The following CHEK1 variants were observed in gnomAD, a reference collection of about 807,000 sequenced individuals.
CHEK1 encodes serine/threonine-protein kinase Chk1.
A neutral mutation model predicts 60.2 loss-of-function variants in CHEK1; 32 were observed. The observed-to-expected ratio is 0.53, with a 90% CI of 0.40 to 0.71. CHEK1 has a LOEUF of 0.71. CHEK1 is among the 30% of genes least tolerant of loss of function. The probability of loss-of-function intolerance (pLI) is 0.00; values close to 1 mark genes in which losing one functional copy is unlikely to be tolerated. For missense variants in CHEK1, 399 were observed against 564.6 expected (o/e 0.71, Z 2.97); for synonymous variants, 179 against 187.2 (o/e 0.96, Z 0.36).
downstream of CHEK1, chr11:125,678,023 A>G (rs959644138): frequency 6.2e-7 from 1 of 1,614,172 alleles, no homozygotes; most frequent in South Asian, 1.1e-5. Flanking sequence ...GCTCACCTAC[A>G]GTATGCTCAC....
At chr11:125,626,357 G>T in intron 1 of CHEK1, 1 of 423,994 alleles carries the variant, frequency 2.4e-6, no homozygotes, top group Non-Finnish European at 4.3e-6. Context: ...GGGAGGAGGC[G>T]CTGCCGCAGG....
intron 11 of CHEK1, among the ~76,000 whole-genome samples, chr11:125,647,329 T>TCTTTTTTTTTC (rs1941540786): frequency 6.6e-6 from 1 of 152,098 alleles, no homozygotes; most frequent in African/African-American, 2.4e-5. Flanking sequence ...GAATCTCAAT[T>TCTTTTTTTTTC]CTTTTTTTTT....
chr11:125,625,723 G>A lies in CHEK1; in HGVS notation c.-310G>A, dbSNP rs1347373471. 6.1e-6 allele frequency: 4 copies of A among 657,122 alleles called. No individual in the cohort carries two copies. Among genetic ancestry groups the A allele is most frequent in the Non-Finnish European group, 1.1e-5 (4 of 356,614 alleles). The allele number at this position is 657,122 out of a possible 1,614,324, so 40.7% of individuals were successfully genotyped here. On this transcript the variant is annotated 5_prime_UTR_variant, in exon 1 of 13. It removes an upstream start codon present in the reference 5' UTR. Transcript: ENST00000438015. Reference sequence around the variant, plus strand: ...CGCCCAGTCGAGCCTCACACCGGATGCCACTTCATATTTGGGCCCAGAGCT... The same window carrying A: ...CGCCCAGTCGAGCCTCACACCGGATACCACTTCATATTTGGGCCCAGAGCT...
intron 12 of CHEK1, among the ~76,000 whole-genome samples, 194 bp from the exon 13 acceptor site, chr11:125,655,031 C>T (rs952923290): frequency 6.6e-6 from 1 of 152,174 alleles, no homozygotes; most frequent in Non-Finnish European, 1.5e-5. Context: ...CATGAAACCA[C>T]ATCAGAATTA....
intron 7 of CHEK1, 58 bp from the exon 8 acceptor site, chr11:125,637,391 G>A: frequency 7.1e-7 from 1 of 1,403,070 alleles, no homozygotes; most frequent in South Asian, 1.3e-5. Context: ...CTTACCTCAA[G>A]CCATAGGCTT....
rs568081898 is a variant in CHEK1 at position 125,666,946 on chromosome 11, C to T, written c.*28-8982C>T. On this transcript the variant is annotated intron_variant, in intron 13 of 13. Coordinates refer to the CHEK1 transcript ENST00000428830. ...GATTTTTTTTTTCAATCCATTCAGA[C>T]AACTTTTGTTGTTGTTGTTGTTGTT... Among the ~76,000 whole-genome samples the T allele has an allele frequency of 1.1e-4, 17 of 148,360 alleles. No individual in the cohort carries two copies. The South Asian group carries it at 3.7e-3, about 32-fold the overall frequency.
chr11:125,656,081 AAG>A lies in CHEK1; in HGVS notation c.*764_*765del, dbSNP rs1443124777. Reference sequence around the variant, plus strand: ...CAAGCTTTTAGGTGATAAAGAATAAAAGAGGGAAGGGAAGAGTAAGGAAGCTA... The same window carrying A: ...CAAGCTTTTAGGTGATAAAGAATAAAAGGGAAGGGAAGAGTAAGGAAGCTA... On this transcript the variant is annotated 3_prime_UTR_variant, in exon 13 of 13. Transcript: ENST00000438015. 1 of 212,304 alleles carries A rather than the reference AAG, an allele frequency of 4.7e-6. No homozygotes were observed. The highest frequency in any genetic ancestry group is 2.3e-5 in the African/African-American group (1 of 44,232). The allele number at this position is 212,304 out of a possible 1,614,324, so 13.2% of individuals were successfully genotyped here. A position where few individuals can be genotyped will look rare whatever the true frequency, so the allele number is the denominator to read the frequency against.
intron 12 of CHEK1, among the ~76,000 whole-genome samples, chr11:125,655,015 G>A (rs1941863023): frequency 1.3e-5 from 2 of 152,136 alleles, no homozygotes; most frequent in African/African-American, 2.4e-5. Context: ...TAGGAACAGT[G>A]ATGGGCATGA....
chr11:125,672,403 G>A, intron 13 of CHEK1: 1 of 632,574 alleles, frequency 1.6e-6, no homozygotes, highest in Non-Finnish European at 2.6e-6. Flanking sequence ...GAGCAGGGAA[G>A]ACAGGACAGA....
rs765239596 is a variant in CHEK1 at position 125,653,841 on chromosome 11, T to G, written c.1329T>G (p.Leu443=). 5 of 1,517,598 alleles carry G rather than the reference T, an allele frequency of 3.3e-6. No individual in the cohort carries two copies. The highest frequency in any genetic ancestry group is 2.7e-6 in the Non-Finnish European group (3 of 1,105,062). 94.0% of individuals were successfully genotyped at this position (1,517,598 alleles called of 1,614,324 possible). ...MDDKILVDFR[L]SKGDGLEFKR... ...ATAAAATATTGGTTGACTTCCGGCTTTCTAAGGTATTTTTATGTTTTATTG... is the reference window on the plus strand; with the variant it reads ...ATAAAATATTGGTTGACTTCCGGCTGTCTAAGGTATTTTTATGTTTTATTG... The change falls in exon 12 of 13, where the codon CTT becomes CTG. Residue 443 remains leucine (L), a synonymous_variant. Coordinates refer to ENST00000438015, the MANE Select transcript of CHEK1 (RefSeq NM_001114122.3). This position sits in a 1 kb window ranked among gnomAD's most constrained non-coding sequence, Gnocchi z 4.3.
intron 13 of CHEK1, among the ~76,000 whole-genome samples, chr11:125,667,564 A>T (rs1207880724): frequency 6.6e-6 from 1 of 152,038 alleles, no homozygotes; most frequent in African/African-American, 2.4e-5. Flanking sequence ...GACTTTTCCT[A>T]TTTGAATCTC....
chr11:125,665,134 C>T (rs574731178), intron 13 of CHEK1, among the ~76,000 whole-genome samples: 27 of 151,362 alleles, frequency 1.8e-4, no homozygotes, highest in Non-Finnish European at 2.7e-4. Context: ...CATTGGTCTA[C>T]GTGTGTATCT....
intron 11 of CHEK1, among the ~76,000 whole-genome samples, chr11:125,647,246 A>T (rs1355459863): frequency 6.6e-6 from 1 of 152,050 alleles, no homozygotes; most frequent in Non-Finnish European, 1.5e-5. Flanking sequence ...TGTTGAAGAT[A>T]TGTTTTACTA....
chr11:125,641,359 A>G (rs957405146), intron 8 of CHEK1, among the ~76,000 whole-genome samples: 2 of 151,728 alleles, frequency 1.3e-5, no homozygotes, highest in African/African-American at 4.8e-5. Context: ...GCCTCCTACT[A>G]TTGGAGTTCT....
At chr11:125,659,631 T>C (rs1260884520), downstream of CHEK1, among the ~76,000 whole-genome samples, 1 of 152,214 alleles carries the variant, frequency 6.6e-6, no homozygotes, top group East Asian at 1.9e-4. Context: ...CATAAATTAT[T>C]TTGAATTATG....
chr11:125,678,205 G>C (rs183418543), downstream of CHEK1: 21 of 1,614,114 alleles, frequency 1.3e-5, no homozygotes, highest in Admixed American at 1.8e-4. Flanking sequence ...GCATCAGAAG[G>C]GTTTTCAAGT....
At chr11:125,664,236 T>TA (rs1942060990) in intron 13 of CHEK1, among the ~76,000 whole-genome samples, 1 of 150,272 alleles carries the variant, frequency 6.7e-6, no homozygotes, top group Non-Finnish European at 1.5e-5. Flanking sequence ...TGAACTATTT[T>TA]TTTTTTTTTT....
intron 8 of CHEK1, among the ~76,000 whole-genome samples, chr11:125,642,513 A>G (rs1044645954): frequency 6.6e-6 from 1 of 152,212 alleles, no homozygotes; most frequent in African/African-American, 2.4e-5. Flanking sequence ...ATCTGAATGA[A>G]TGGATTAATA....
chr11:125,661,638 G>A (rs1790282196), downstream of CHEK1, among the ~76,000 whole-genome samples: 1 of 151,348 alleles, frequency 6.6e-6, no homozygotes, highest in African/African-American at 2.4e-5. Flanking sequence ...AAAAATCACT[G>A]TATTTATCCT....
Sources: gnomAD v4.1 joint callset for allele counts (sites outside exome capture counted in the v4.1 genomes callset) on GRCh38, gnomAD v4.1.1 for gene constraint, Gnocchi (gnomAD v3.1) non-coding constraint, MANE v1.5 for transcripts, NCBI Gene and HGNC (gene_info 2026-07-23, HGNC 2026-07-21) for gene names.